FARS2: variants seen among roughly 807,000 people sequenced by gnomAD.
The protein encoded by FARS2 is phenylalanyl-tRNA synthetase 2, mitochondrial, also known as phenylalanine--tRNA ligase, mitochondrial.
A neutral mutation model predicts 46.4 loss-of-function variants in FARS2; 40 were observed. The observed-to-expected ratio is 0.86, with a 90% CI of 0.67 to 1.12. The LOEUF is 1.12. Ranked by LOEUF, FARS2 falls within the 50% of genes most tolerant of loss-of-function variation. FARS2 has a pLI of 0.00. For synonymous variants in FARS2, 234 were observed against 214.9 expected (o/e 1.09, Z -0.78); for missense variants, 513 against 567.9 (o/e 0.90, Z 0.98).
chr6:5,352,086 C>T (rs1180655483), intron 1 of FARS2, among the ~76,000 whole-genome samples: 1 of 151,604 alleles, frequency 6.6e-6, no homozygotes, highest in Non-Finnish European at 1.5e-5. Context: ...CAATGTGGCT[C>T]AACACAAATT....
At chr6:5,689,432 A>C (rs1757516029) in intron 6 of FARS2, among the ~76,000 whole-genome samples, 1 of 152,094 alleles carries the variant, frequency 6.6e-6, no homozygotes, top group East Asian at 1.9e-4. Flanking sequence ...GAACATCTTT[A>C]TTTCTGCCTT....
intron 1 of FARS2, among the ~76,000 whole-genome samples, chr6:5,316,691 C>T (rs936021883): frequency 1.3e-5 from 2 of 152,208 alleles, no homozygotes; most frequent in Non-Finnish European, 2.9e-5. Context: ...CCCAGAGCCG[C>T]CACACTTTCA....
intron 1 of FARS2, among the ~76,000 whole-genome samples, chr6:5,271,530 A>G (rs1284368894): frequency 4.0e-5 from 6 of 148,582 alleles, no homozygotes; most frequent in Non-Finnish European, 8.9e-5. Context: ...TTGTGATATT[A>G]GGCTGTGTAT....
intron 1 of FARS2, among the ~76,000 whole-genome samples, chr6:5,325,687 A>C (rs1385557668): frequency 6.6e-6 from 1 of 152,236 alleles, no homozygotes; most frequent in African/African-American, 2.4e-5. Flanking sequence ...ACATGCTTCA[A>C]TTTATCCTTT....
intron 6 of FARS2, among the ~76,000 whole-genome samples, chr6:5,756,650 A>G (rs1762222174): frequency 6.6e-6 from 1 of 152,220 alleles, no homozygotes; most frequent in Non-Finnish European, 1.5e-5. Context: ...GGGCATTACA[A>G]TTCAACATGA....
chr6:5,592,565 C>G (rs963606104), intron 5 of FARS2, among the ~76,000 whole-genome samples: 1 of 152,106 alleles, frequency 6.6e-6, no homozygotes, highest in African/African-American at 2.4e-5. Context: ...CCTGCCAACC[C>G]TGAAATAGAC....
At position 5,398,140 on chromosome 6, in the gene FARS2, G is replaced by A. The variant is rs139182314; in HGVS notation, c.613-6402G>A. On this transcript the variant is annotated intron_variant, in intron 2 of 6. Transcript: ENST00000274680. ...TTGTAGTTAATAGTGTTTGCAGGAA[G>A]ATACTTTGAGACTGTGTAAATAGTT... Among the ~76,000 whole-genome samples, 569 of 152,240 alleles carry A rather than the reference G, an allele frequency of 3.7e-3. 4 individuals carry two copies. The highest frequency in any genetic ancestry group is 0.013 in the African/African-American group (539 of 41,550).
At chr6:5,298,973 A>G (rs1271814566) in intron 1 of FARS2, among the ~76,000 whole-genome samples, 2 of 151,186 alleles carry the variant, frequency 1.3e-5, no homozygotes, top group African/African-American at 2.4e-5. Flanking sequence ...AATTTCTTCT[A>G]TTTTGTTAAT....
At chr6:5,695,337 G>A (rs910861667) in intron 6 of FARS2, 1 of 152,286 alleles carries the variant, frequency 6.6e-6, no homozygotes, top group African/African-American at 2.4e-5. Flanking sequence ...GCCAGGGACT[G>A]GCCCACGGGC....
chr6:5,512,879 C>T (rs973746241), intron 4 of FARS2, among the ~76,000 whole-genome samples: 1 of 152,136 alleles, frequency 6.6e-6, no homozygotes, highest in Non-Finnish European at 1.5e-5. Context: ...GGCAGAAGCA[C>T]AGGTCTCACA....
chr6:5,732,256 A>G (rs1376654952), intron 6 of FARS2, among the ~76,000 whole-genome samples: 1 of 152,202 alleles, frequency 6.6e-6, no homozygotes, highest in African/African-American at 2.4e-5. Flanking sequence ...AAACAGGAGT[A>G]TCATGATTGA....
At chr6:5,284,122 AT>A (rs1199466682) in intron 1 of FARS2, among the ~76,000 whole-genome samples, 1 of 152,144 alleles carries the variant, frequency 6.6e-6, no homozygotes, top group African/African-American at 2.4e-5. Context: ...TGTCATTTCA[AT>A]TTGCATTTCT....
At chr6:5,639,035 C>G (rs763555506) in intron 6 of FARS2, among the ~76,000 whole-genome samples, 1 of 152,224 alleles carries the variant, frequency 6.6e-6, no homozygotes, top group Non-Finnish European at 1.5e-5. Context: ...AGATATTTCT[C>G]TAAAATGCAT....
At chr6:5,610,311 TA>T (rs1554115958) in intron 5 of FARS2, 9,901 of 296,280 alleles carry the variant, frequency 0.033, 9 homozygotes, top group East Asian at 0.07. Flanking sequence ...CAATTCTTTT[TA>T]AAAAAAAAAA....
At chr6:5,623,228 TA>T (rs1775863150) in intron 6 of FARS2, among the ~76,000 whole-genome samples, 2 of 152,238 alleles carry the variant, frequency 1.3e-5, no homozygotes, top group African/African-American at 4.8e-5. Context: ...GCCAGTGTCA[TA>T]GTCAATCTAA....
intron 6 of FARS2, among the ~76,000 whole-genome samples, chr6:5,711,576 A>G (rs1158798980): frequency 6.6e-6 from 1 of 152,096 alleles, no homozygotes; most frequent in East Asian, 1.9e-4. Context: ...TGTGATGAGA[A>G]TGGTACTCAA....
At chr6:5,407,066 T>TATATATATATAAAA (rs70975905) in intron 3 of FARS2, among the ~76,000 whole-genome samples, 1 of 109,690 alleles carries the variant, frequency 9.1e-6, no homozygotes, top group Non-Finnish European at 1.9e-5. Flanking sequence ...TATATATATA[T>TATATATATATAAAA]AATGACCAAT....
At chr6:5,456,137 C>G (rs1477038987) in intron 4 of FARS2, among the ~76,000 whole-genome samples, 1 of 152,072 alleles carries the variant, frequency 6.6e-6, no homozygotes, top group Non-Finnish European at 1.5e-5. Flanking sequence ...ATTGCTTGAG[C>G]CTGGAGGTCG....
chr6:5,510,069 C>T (rs1158444486), intron 4 of FARS2, among the ~76,000 whole-genome samples: 1 of 152,048 alleles, frequency 6.6e-6, no homozygotes, highest in Non-Finnish European at 1.5e-5. Context: ...GAAGGCAGCA[C>T]CGCTAGATTT....
Sources: allele counts gnomAD v4.1 joint callset (sites outside exome capture counted in the v4.1 genomes callset), GRCh38; gene constraint gnomAD v4.1.1; transcripts MANE v1.5; gene names NCBI Gene and HGNC (gene_info 2026-07-23, HGNC 2026-07-21).